EPS8: variants seen among roughly 807,000 people sequenced by gnomAD.
EPS8 encodes EGFR pathway substrate 8, signaling adaptor, also known as epidermal growth factor receptor kinase substrate 8.
Under a neutral mutation model 103.8 loss-of-function variants are expected in EPS8, and 42 were observed. The ratio of observed to expected loss-of-function variants is 0.40; its 90% CI spans 0.32 to 0.52. EPS8 has a LOEUF of 0.52. Among genes scored for constraint, EPS8 ranks in the 20% least tolerant of loss-of-function variants. EPS8 has a pLI of 0.40. For synonymous variants in EPS8, 344 were observed against 344.6 expected, an observed-to-expected ratio of 1.00 and a Z score of 0.02; for missense variants, 969 against 1,005.1, an observed-to-expected ratio of 0.96 and a Z score of 0.49.
At chr12:15,683,769 T>C (rs1471165923) in intron 1 of EPS8, 2 of 152,200 alleles carry the variant, frequency 1.3e-5, no homozygotes, top group Non-Finnish European at 1.5e-5. Flanking sequence ...CTAGATAACA[T>C]TGCTGTACCC....
chr12:15,681,313 A>T lies in EPS8; in HGVS notation c.60-11T>A. The T allele has an allele frequency of 1.0e-6, 1 of 965,904 alleles. No homozygotes were observed. Among genetic ancestry groups the T allele is most frequent in the Non-Finnish European group, 1.4e-6 (1 of 718,712 alleles). The allele number at this position is 965,904 out of a possible 1,614,324, so 59.8% of individuals were successfully genotyped here. A position where few individuals can be genotyped will look rare whatever the true frequency, so the allele number is the denominator to read the frequency against. ...GATGATCCGTAGCCACTGTAATAAT[A>T]ATAATAATAATAATAATAATAATAT... On this transcript the variant is annotated splice_polypyrimidine_tract_variant and intron_variant, in intron 2 of 20. Transcript: ENST00000281172.
intron 1 of EPS8, among the ~76,000 whole-genome samples, chr12:15,763,564 G>A (rs911706678): frequency 2.3e-4 from 35 of 152,140 alleles, no homozygotes; most frequent in African/African-American, 8.4e-4. Flanking sequence ...AGGGGCCTCT[G>A]TTCCTTAATG....
rs1161336478 is a variant in EPS8, at chr12:15,696,393, G to A, written c.-21-13421C>T. On this transcript the variant is annotated intron_variant, in intron 1 of 20. Coordinates refer to ENST00000281172, the MANE Select transcript of EPS8 (RefSeq NM_004447.6). This position sits in a 1 kb window ranked among gnomAD's most constrained non-coding sequence, Gnocchi z 4.8. ...GCAGTGGCTCACAACTGTAATCCCA[G>A]CACTTTGGGAGGCCAAGGCAGGCAG... Among the ~76,000 whole-genome samples the A allele has an allele frequency of 6.6e-6, 1 of 152,146 alleles. No homozygotes were observed. The highest frequency in any genetic ancestry group is 1.5e-5 in the Non-Finnish European group (1 of 68,036).
chr12:15,707,437 C>T (rs1459785727), intron 1 of EPS8, among the ~76,000 whole-genome samples: 1 of 152,032 alleles, frequency 6.6e-6, no homozygotes, highest in Non-Finnish European at 1.5e-5. Context: ...ATTACTTCAC[C>T]TTAATCAATA....
At position 15,727,709 on chromosome 12, in the gene EPS8, T is replaced by G. The variant is rs183737151; in HGVS notation, c.-21-44737A>C. On this transcript the variant is annotated intron_variant, in intron 1 of 20. Coordinates refer to ENST00000281172, the MANE Select transcript of EPS8 (RefSeq NM_004447.6). The surrounding 1 kb of genome is among the most constrained non-coding windows in gnomAD (Gnocchi z 4.3). The stretch of plus-strand genomic sequence containing the variant: ...CCCGTCTCTACTAAAAATACAAAAA[T>G]TAGCCGGGCGTGGTGGCGCGTGCCT... Among the ~76,000 whole-genome samples the G allele has an allele frequency of 2.4e-3, 360 of 152,100 alleles. No homozygotes were observed. Among genetic ancestry groups the G allele is most frequent in the Admixed American group, 3.9e-3 (59 of 15,274 alleles).
At chr12:15,711,658 T>C (rs1591885441) in intron 1 of EPS8, among the ~76,000 whole-genome samples, 2 of 152,214 alleles carry the variant, frequency 1.3e-5, no homozygotes, top group East Asian at 1.9e-4. Context: ...AGGGTAAGAA[T>C]ATACCAGGCC....
chr12:15,621,466 A>T, intron 20 of EPS8, 36 bp from the exon 21 acceptor site: 16 of 1,201,424 alleles, frequency 1.3e-5, no homozygotes, highest in Non-Finnish European at 1.9e-5. Context: ...ATAGTTACTG[A>T]CTTGTGCAGG....
At chr12:15,658,346 G>T in intron 11 of EPS8, 151 bp downstream of exon 11, 1 of 684,586 alleles carries the variant, frequency 1.5e-6, no homozygotes. Flanking sequence ...TTTAAAATTT[G>T]CTGTTTTAAC....
rs1947288912 is a variant in EPS8 at position 15,784,346 on chromosome 12, C to T, written c.-22+4815G>A. 6.6e-6 allele frequency among the ~76,000 whole-genome samples: 1 copy of T among 152,150 alleles called. No homozygotes were observed. Among genetic ancestry groups the T allele is most frequent in the African/African-American group, 2.4e-5 (1 of 41,442 alleles). On this transcript the variant is annotated intron_variant, in intron 1 of 20. Coordinates refer to ENST00000281172, the MANE Select transcript of EPS8 (RefSeq NM_004447.6). This position sits in a 1 kb window ranked among gnomAD's most constrained non-coding sequence, Gnocchi z 4.0. ...GGGCAAATGATCTGAACAGCCATCACACCACAGAAGATGTACAGATGAAAA... is the reference window on the plus strand; with the variant it reads ...GGGCAAATGATCTGAACAGCCATCATACCACAGAAGATGTACAGATGAAAA...
At position 15,681,174 on chromosome 12, in the gene EPS8, T is replaced by C; in HGVS notation, c.136+52A>G. 4 of 923,266 alleles carry C rather than the reference T, an allele frequency of 4.3e-6. No individual in the cohort carries two copies. In the East Asian group the frequency reaches 7.7e-5, roughly 18 times the overall value. 57.2% of individuals were successfully genotyped at this position (923,266 alleles called of 1,614,324 possible). ...AAACCATGAGTTTGAAAATGTAATTTGTAAAAAGTGGTTAGAAACAAAATT... is the reference window on the plus strand; with the variant it reads ...AAACCATGAGTTTGAAAATGTAATTCGTAAAAAGTGGTTAGAAACAAAATT... On this transcript the variant is annotated intron_variant, in intron 3 of 20. Transcript: ENST00000281172.
intron 1 of EPS8, among the ~76,000 whole-genome samples, chr12:15,753,655 C>T (rs1394552439): frequency 2.0e-5 from 3 of 152,112 alleles, no homozygotes; most frequent in South Asian, 2.1e-4. Flanking sequence ...ACATCTTGAA[C>T]GTATTTCTAG....
intron 1 of EPS8, among the ~76,000 whole-genome samples, chr12:15,685,796 G>C (rs1010030508): frequency 6.6e-6 from 1 of 152,012 alleles, no homozygotes; most frequent in African/African-American, 2.4e-5. Flanking sequence ...TTTCCATTAG[G>C]CTTTTAAGAC....
In EPS8 at chr12:15,780,674, G is replaced by C. The variant is rs1309170164; in HGVS notation, c.-22+8487C>G. 6.6e-6 allele frequency: 1 copy of C among 152,002 alleles called. No homozygotes were observed. Among genetic ancestry groups the C allele is most frequent in the African/African-American group, 2.4e-5 (1 of 41,370 alleles). The allele number at this position is 152,002 out of a possible 1,614,324, so 9.4% of individuals were successfully genotyped here. ...TGTTTTTTAATATATACTTCCTTCAGCTCCACACTGTACTAAAACGGGTGT... is the reference window on the plus strand; with the variant it reads ...TGTTTTTTAATATATACTTCCTTCACCTCCACACTGTACTAAAACGGGTGT... On this transcript the variant is annotated intron_variant, in intron 1 of 20. Transcript: ENST00000281172. This position sits in a 1 kb window ranked among gnomAD's most constrained non-coding sequence, Gnocchi z 4.1.
In EPS8 at chr12:15,763,419, G is replaced by T. The variant is rs76443706; in HGVS notation, c.-22+25742C>A. Among the ~76,000 whole-genome samples, 1,392 of 152,252 alleles carry T rather than the reference G, an allele frequency of 9.1e-3. 25 individuals carry two copies. Among genetic ancestry groups the T allele is most frequent in the African/African-American group, 0.031 (1,288 of 41,552 alleles). On this transcript the variant is annotated intron_variant, in intron 1 of 20. Coordinates refer to ENST00000281172, the MANE Select transcript of EPS8 (RefSeq NM_004447.6). ...AAATGGAGAAAGTACACTAATCAGA[G>T]AACACAGAAAGAGCCTGATCATTGC...
intron 1 of EPS8, among the ~76,000 whole-genome samples, chr12:15,703,847 G>GTTTTTTTTTTTTT (rs58735135): frequency 3.3e-5 from 2 of 61,236 alleles, no homozygotes; most frequent in Non-Finnish European, 5.6e-5. Flanking sequence ...CTATGTATTT[G>GTTTTTTTTTTTTT]TTTTTTTTTT....
intron 17 of EPS8, among the ~76,000 whole-genome samples, chr12:15,636,760 C>A (rs903419083): frequency 6.6e-6 from 1 of 152,088 alleles, no homozygotes; most frequent in African/African-American, 2.4e-5. Context: ...TTATTTCCAC[C>A]ACTTACAAAA....
rs1337037370 is a variant in EPS8 at position 15,771,637 on chromosome 12, GTGTTCT to G, written c.-22+17518_-22+17523del. On this transcript the variant is annotated intron_variant, in intron 1 of 20. Transcript: ENST00000281172. This position sits in a 1 kb window ranked among gnomAD's most constrained non-coding sequence, Gnocchi z 4.6. ...GTAAAGGAGAAGGGGGGTCATGGATGTGTTCTTCTAATGGGCTAGAAATTCTCCGTA... is the reference window on the plus strand; with the variant it reads ...GTAAAGGAGAAGGGGGGTCATGGATGTCTAATGGGCTAGAAATTCTCCGTA... Among the ~76,000 whole-genome samples, 1 of 151,948 alleles carries G rather than the reference GTGTTCT, an allele frequency of 6.6e-6. No homozygotes were observed. The highest frequency in any genetic ancestry group is 1.5e-5 in the Non-Finnish European group (1 of 67,990).
In EPS8 at chr12:15,682,877, A is replaced by G; in HGVS notation, c.59+16T>C. The G allele has an allele frequency of 7.5e-7, 1 of 1,336,826 alleles. No individual in the cohort carries two copies. The highest frequency in any genetic ancestry group is 1.1e-6 in the Non-Finnish European group (1 of 943,806). The allele number at this position is 1,336,826 out of a possible 1,614,324, so 82.8% of individuals were successfully genotyped here. On this transcript the variant is annotated intron_variant, in intron 2 of 20. Transcript: ENST00000281172. ...AATTCCCCCAAAACATATTAAATAT[A>G]AACTTTTCAACTTACTTCATCTGAG...
chr12:15,719,305 A>G (rs1038365076), intron 1 of EPS8, among the ~76,000 whole-genome samples: 1 of 152,192 alleles, frequency 6.6e-6, no homozygotes, highest in African/African-American at 2.4e-5. Flanking sequence ...CAGAATAAAA[A>G]TGCCTGTTTT....
Sources: allele counts gnomAD v4.1 joint callset (sites outside exome capture counted in the v4.1 genomes callset), GRCh38; gene constraint gnomAD v4.1.1; non-coding constraint Gnocchi (gnomAD v3.1); transcripts MANE v1.5; gene names NCBI Gene and HGNC (gene_info 2026-07-23, HGNC 2026-07-21).